Variants in SLC17A3 observed in about 807,000 individuals in gnomAD.
SLC17A3 encodes sodium-dependent phosphate transport protein 4.
Under a neutral mutation model 60.3 loss-of-function variants are expected in SLC17A3, and 61 were observed. The ratio of observed to expected loss-of-function variants is 1.01; its 90% CI spans 0.82 to 1.25. SLC17A3 has a LOEUF of 1.25. Among genes scored for constraint, SLC17A3 ranks in the 50% most tolerant of loss-of-function variants. SLC17A3 has a pLI of 0.00. For synonymous variants in SLC17A3, 192 were observed against 208.9 expected (o/e 0.92, Z 0.70); for missense variants, 624 against 594.9 (o/e 1.05, Z -0.51).
At chr6:25,846,805 G>C (rs1019566275) in intron 11 of SLC17A3, among the ~76,000 whole-genome samples, 1 of 152,066 alleles carries the variant, frequency 6.6e-6, no homozygotes, top group Non-Finnish European at 1.5e-5. Context: ...TAGAGACGGG[G>C]TTTCACCATG....
intron 2 of SLC17A3, among the ~76,000 whole-genome samples, chr6:25,864,815 A>G (rs1765509728): frequency 1.3e-5 from 2 of 152,052 alleles, no homozygotes; most frequent in Admixed American, 1.3e-4. Flanking sequence ...AGATACTTAA[A>G]GCCATAAAAC....
intron 1 of SLC17A3, among the ~76,000 whole-genome samples, chr6:25,872,095 T>C (rs997063509): frequency 6.6e-6 from 1 of 152,054 alleles, no homozygotes; most frequent in African/African-American, 2.4e-5. Context: ...TTAAATGATA[T>C]GAATTTAGAG....
intron 6 of SLC17A3, among the ~76,000 whole-genome samples, chr6:25,853,343 C>T (rs1475074475): frequency 6.9e-6 from 1 of 144,182 alleles, no homozygotes; most frequent in Admixed American, 6.9e-5. Flanking sequence ...TTGATCTTTT[C>T]AAATAACCAA....
intron 2 of SLC17A3, among the ~76,000 whole-genome samples, chr6:25,862,925 TTATATATTATGCAC>T (rs1765476359): frequency 6.6e-6 from 1 of 151,656 alleles, no homozygotes; most frequent in South Asian, 2.1e-4. Flanking sequence ...ACATGTATTG[TTATATATTATGCAC>T]TATATATTAT....
chr6:25,845,643 C>T (rs958797725), intron 11 of SLC17A3, 127 bp from the exon 12 acceptor site: 2 of 1,081,432 alleles, frequency 1.8e-6, no homozygotes, highest in Non-Finnish European at 2.8e-6. Context: ...CTGAAAGTGG[C>T]TTGATAGTTA....
chr6:25,862,386 G>A lies in SLC17A3; in HGVS notation c.150C>T (p.Phe50=). The change falls in exon 3 of 13, where the codon TTC becomes TTT. Residue 50 remains phenylalanine, a synonymous_variant. Transcript: ENST00000397060. ...GIALVLHFCN[F]TTIAQNVIMN... ...TGATGACATTTTGTGCTATCGTTGT[G>A]AAATTGCAGAAATGTAAGACGAGGG... The A allele has an allele frequency of 6.2e-7, 1 of 1,613,660 alleles. No individual in the cohort carries two copies. The highest frequency in any genetic ancestry group is 8.5e-7 in the Non-Finnish European group (1 of 1,179,718).
chr6:25,858,269 A>C (rs1010616975), intron 5 of SLC17A3, among the ~76,000 whole-genome samples: 3 of 152,150 alleles, frequency 2.0e-5, no homozygotes, highest in Admixed American at 6.6e-5. Context: ...AAAACTTCCC[A>C]AAAGGCTGTG....
At chr6:25,849,688 C>T in intron 10 of SLC17A3, 117 bp downstream of exon 10, 3 of 1,214,506 alleles carry the variant, frequency 2.5e-6, no homozygotes, top group South Asian at 2.5e-5. Flanking sequence ...GGCCACAGGT[C>T]TATCTGTGGT....
intron 11 of SLC17A3, 26 bp from the exon 12 acceptor site, chr6:25,845,542 T>C (rs1485674801): frequency 1.2e-6 from 2 of 1,612,806 alleles, no homozygotes; most frequent in Admixed American, 3.3e-5. Context: ...CCCAAGTATA[T>C]ATTACCCCTT....
chr6:25,874,049 C>A (rs1017387438), intron 1 of SLC17A3, 118 bp downstream of exon 1: 1 of 151,998 alleles, frequency 6.6e-6, no homozygotes, highest in African/African-American at 2.4e-5. Context: ...TTACATTTTT[C>A]ATTTTTATTT....
At chr6:25,865,553 A>T (rs565031414) in intron 2 of SLC17A3, among the ~76,000 whole-genome samples, 19 of 152,014 alleles carry the variant, frequency 1.2e-4, no homozygotes, top group African/African-American at 4.6e-4. Context: ...AAAGGGTATC[A>T]GCAAACCAAG....
intron 1 of SLC17A3, among the ~76,000 whole-genome samples, chr6:25,869,033 T>C (rs533464970): frequency 4.6e-5 from 7 of 152,104 alleles, no homozygotes; most frequent in Middle Eastern, 3.4e-3. Flanking sequence ...TCACTCATAA[T>C]TGGGGACCAA....
At chr6:25,868,881 A>T (rs549506117) in intron 1 of SLC17A3, among the ~76,000 whole-genome samples, 77 of 152,064 alleles carry the variant, frequency 5.1e-4, no homozygotes, top group Non-Finnish European at 1.0e-3. Flanking sequence ...TCATCACTGG[A>T]GCTACCATAG....
chr6:25,851,079 C>T (rs1233830159), intron 6 of SLC17A3, among the ~76,000 whole-genome samples: 1 of 152,076 alleles, frequency 6.6e-6, no homozygotes, highest in Non-Finnish European at 1.5e-5. Context: ...GAAGTGGCAC[C>T]ACACTTGATA....
chr6:25,849,341 T>C (rs1359457642), intron 11 of SLC17A3, 33 bp downstream of exon 11: 1 of 1,174,338 alleles, frequency 8.5e-7, no homozygotes, highest in Admixed American at 1.7e-5. Flanking sequence ...TAGCAGAGCA[T>C]CTTTGGAGTC....
At chr6:25,864,099 A>T (rs553614059) in intron 2 of SLC17A3, among the ~76,000 whole-genome samples, 37 of 152,084 alleles carry the variant, frequency 2.4e-4, no homozygotes, top group African/African-American at 8.9e-4. Flanking sequence ...AGAACATAAC[A>T]AGTAGAGGGA....
At chr6:25,864,670 C>A (rs1165158) in intron 2 of SLC17A3, among the ~76,000 whole-genome samples, 36,850 of 151,682 alleles carry the variant, frequency 0.24, 4,653 homozygotes, top group African/African-American at 0.29. Flanking sequence ...TCAAGAGCTT[C>A]CTACTGGACT....
At position 25,850,164 on chromosome 6, in the gene SLC17A3, G is replaced by T; in HGVS notation, c.1007C>A (p.Ser336Tyr). 1.9e-6 allele frequency: 3 copies of T among 1,613,560 alleles called. No homozygotes were observed. Among genetic ancestry groups the T allele is most frequent in the Non-Finnish European group, 1.7e-6 (2 of 1,179,616 alleles). ...CCAGGCAACAATAAAAGGAAGGGCA[G>T]ATAGAAGTCCATTCTAAAGAGAAAA... ...HVNIRDNGLLSALPFIVAWVI... is the reference protein window; with the variant it reads ...HVNIRDNGLLYALPFIVAWVI... Residue 336 changes from serine (S) to tyrosine (Y), a missense_variant, in exon 9 of 13, where the codon TCT becomes TAT. Coordinates refer to ENST00000397060, the MANE Select transcript of SLC17A3 (RefSeq NM_001098486.2).
At chr6:25,870,682 G>A (rs1277351918) in intron 1 of SLC17A3, among the ~76,000 whole-genome samples, 1 of 152,002 alleles carries the variant, frequency 6.6e-6, no homozygotes, top group Non-Finnish European at 1.5e-5. Context: ...CAAGGAAGAA[G>A]TGCTTAGTGA....
Sources: allele counts gnomAD v4.1 joint callset (sites outside exome capture counted in the v4.1 genomes callset), GRCh38; gene constraint gnomAD v4.1.1; transcripts MANE v1.5; gene names NCBI Gene and HGNC (gene_info 2026-07-23, HGNC 2026-07-21).